The following DTD1 variants were observed in gnomAD, a reference collection of about 807,000 sequenced individuals.
DTD1 encodes D-aminoacyl-tRNA deacylase 1.
A neutral mutation model predicts 25.6 loss-of-function variants in DTD1; 13 were observed. The ratio of observed to expected loss-of-function variants is 0.51; its 90% CI spans 0.33 to 0.81. The LOEUF (loss-of-function observed/expected upper bound fraction) is 0.81, where lower values mean the gene tolerates loss of function less well. Ranked by LOEUF, DTD1 falls within the 30% of genes least tolerant of loss-of-function variation. The pLI is 0.02. For missense variants in DTD1, 193 were observed against 266.4 expected (o/e 0.72, Z 1.92); for synonymous variants, 110 against 103.6 (o/e 1.06, Z -0.37).
At chr20:18,679,069 C>T (rs186841109) in intron 4 of DTD1, 4 of 152,254 alleles carry the variant, frequency 2.6e-5, no homozygotes, top group African/African-American at 2.4e-5. Context: ...AGAGTTAAAC[C>T]CGGAGTGAGC....
At chr20:18,712,524 G>C (rs958934561) in intron 4 of DTD1, among the ~76,000 whole-genome samples, 2 of 152,034 alleles carry the variant, frequency 1.3e-5, no homozygotes, top group African/African-American at 2.4e-5. Flanking sequence ...ATTTACAATG[G>C]AATCATTGGA....
At chr20:18,591,217 T>C (rs1568637825) in intron 1 of DTD1, among the ~76,000 whole-genome samples, 1 of 152,242 alleles carries the variant, frequency 6.6e-6, no homozygotes, top group Non-Finnish European at 1.5e-5. Context: ...CAGCAGTCTC[T>C]GTGTCATATA....
intron 4 of DTD1, among the ~76,000 whole-genome samples, chr20:18,705,425 T>A (rs1214264415): frequency 1.3e-5 from 2 of 152,170 alleles, no homozygotes; most frequent in African/African-American, 4.8e-5. Flanking sequence ...TCACAGTTAA[T>A]TCATAGTTAA....
intron 4 of DTD1, among the ~76,000 whole-genome samples, chr20:18,696,282 C>T (rs575828003): frequency 4.6e-5 from 7 of 152,150 alleles, no homozygotes; most frequent in South Asian, 2.1e-4. Flanking sequence ...CAAGTCAGGC[C>T]GCCTGTCTCG....
At chr20:18,666,724 C>T (rs2060932605) in intron 4 of DTD1, among the ~76,000 whole-genome samples, 1 of 152,098 alleles carries the variant, frequency 6.6e-6, no homozygotes. Context: ...GTTTGATATA[C>T]TTTAGTGATT....
chr20:18,649,142 A>G (rs2060862939), intron 4 of DTD1, among the ~76,000 whole-genome samples: 1 of 151,222 alleles, frequency 6.6e-6, no homozygotes, highest in Admixed American at 6.6e-5. Context: ...TTTTTGTCTC[A>G]CACATGTCCT....
chr20:18,732,883 T>C (rs1310129124), intron 4 of DTD1, among the ~76,000 whole-genome samples: 3 of 152,196 alleles, frequency 2.0e-5, no homozygotes, highest in Non-Finnish European at 4.4e-5. Context: ...CGCCATGGCC[T>C]TCCAATATGT....
At chr20:18,761,087 C>T (rs926830467) in intron 5 of DTD1, among the ~76,000 whole-genome samples, 7 of 152,278 alleles carry the variant, frequency 4.6e-5, no homozygotes, top group Non-Finnish European at 8.8e-5. Flanking sequence ...ATTGCAAAAG[C>T]GCATTATTAG....
chr20:18,609,167 G>T lies in DTD1; in HGVS notation c.370+12926G>T, dbSNP rs907984955. Among the ~76,000 whole-genome samples, 7 of 151,068 alleles carry T rather than the reference G, an allele frequency of 4.6e-5. No individual in the cohort carries two copies. In the South Asian group the frequency reaches 1.0e-3, roughly 23 times the overall value. Reference sequence around the variant, plus strand: ...TAACTTTATTTTTTTTTTTGACAGGGTCTCACTCTGTCACCCAGGCTGGAG... The same window carrying T: ...TAACTTTATTTTTTTTTTTGACAGGTTCTCACTCTGTCACCCAGGCTGGAG... On this transcript the variant is annotated intron_variant, in intron 3 of 5. Transcript: ENST00000377452.
chr20:18,715,819 C>T (rs1204086765), intron 4 of DTD1, among the ~76,000 whole-genome samples: 2 of 152,108 alleles, frequency 1.3e-5, no homozygotes, highest in African/African-American at 4.8e-5. Flanking sequence ...ACATTCTGGG[C>T]AAACAACAGG....
At chr20:18,715,722 C>T (rs1301634813) in intron 4 of DTD1, among the ~76,000 whole-genome samples, 1 of 152,196 alleles carries the variant, frequency 6.6e-6, no homozygotes, top group African/African-American at 2.4e-5. Flanking sequence ...TTACTTGCAT[C>T]CCTAGTGACA....
intron 3 of DTD1, among the ~76,000 whole-genome samples, chr20:18,612,842 A>G (rs2060693118): frequency 6.6e-6 from 1 of 152,100 alleles, no homozygotes; most frequent in South Asian, 2.1e-4. Context: ...TATTTTTAGT[A>G]GAAGCAGGGT....
intron 4 of DTD1, among the ~76,000 whole-genome samples, chr20:18,681,933 A>G (rs781064437): frequency 6.6e-5 from 10 of 152,224 alleles, no homozygotes; most frequent in Non-Finnish European, 1.2e-4. Flanking sequence ...AACCAATCAT[A>G]GTGATGATGT....
At chr20:18,740,713 C>G (rs938665194) in intron 4 of DTD1, among the ~76,000 whole-genome samples, 1 of 152,232 alleles carries the variant, frequency 6.6e-6, no homozygotes, top group African/African-American at 2.4e-5. Flanking sequence ...CCATCTTAAC[C>G]ATTTTAAGTG....
chr20:18,696,135 G>A (rs989352551), intron 4 of DTD1, among the ~76,000 whole-genome samples: 14 of 152,092 alleles, frequency 9.2e-5, no homozygotes, highest in Admixed American at 5.2e-4. Context: ...CCCAGGCTGC[G>A]TTGTCTTCTG....
intron 3 of DTD1, among the ~76,000 whole-genome samples, chr20:18,621,452 A>G (rs536537512): frequency 6.6e-6 from 1 of 152,316 alleles, no homozygotes; most frequent in African/African-American, 2.4e-5. Flanking sequence ...ATTTGAGACT[A>G]TGCAAATATC....
intron 5 of DTD1, among the ~76,000 whole-genome samples, chr20:18,747,841 C>T (rs1320226886): frequency 7.7e-6 from 1 of 129,170 alleles, no homozygotes; most frequent in Non-Finnish European, 1.7e-5. Flanking sequence ...GAAACTCCGT[C>T]TCTATAAAAA....
chr20:18,708,286 T>TATATATA (rs2061141199), intron 4 of DTD1, among the ~76,000 whole-genome samples: 1 of 21,124 alleles, frequency 4.7e-5, no homozygotes, highest in African/African-American at 1.4e-4. Flanking sequence ...TAATATATAT[T>TATATATA]ATATATATAT....
intron 4 of DTD1, 110 bp downstream of exon 4, chr20:18,628,343 A>G: frequency 1.3e-6 from 1 of 795,578 alleles, no homozygotes; most frequent in South Asian, 1.7e-5. Flanking sequence ...GCAACGTTGT[A>G]TTTATTTTAA....
Sources: gnomAD v4.1 joint callset for allele counts (sites outside exome capture counted in the v4.1 genomes callset) on GRCh38, gnomAD v4.1.1 for gene constraint, MANE v1.5 for transcripts, NCBI Gene and HGNC (gene_info 2026-07-23, HGNC 2026-07-21) for gene names.